The following ARHGEF3 variants were observed in gnomAD, a reference collection of about 807,000 sequenced individuals.
The protein encoded by ARHGEF3 is 59.8 kDA protein.
A neutral mutation model predicts 63.2 loss-of-function variants in ARHGEF3; 28 were observed. The observed-to-expected ratio is 0.44, with a 90% CI of 0.33 to 0.61. ARHGEF3 has a LOEUF of 0.61. Ranked by LOEUF, ARHGEF3 falls within the 20% of genes least tolerant of loss-of-function variation. The probability of loss-of-function intolerance (pLI) is 0.03; values close to 1 mark genes in which losing one functional copy is unlikely to be tolerated. For missense variants in ARHGEF3, 533 were observed against 659.3 expected, an observed-to-expected ratio of 0.81 and a Z score of 2.10; for synonymous variants, 266 against 254.2, an observed-to-expected ratio of 1.05 and a Z score of -0.44.
At chr3:56,917,265 T>C (rs2042012986) in intron 3 of ARHGEF3, among the ~76,000 whole-genome samples, 2 of 152,168 alleles carry the variant, frequency 1.3e-5, no homozygotes, top group Non-Finnish European at 2.9e-5. Context: ...GGTCTCAAAC[T>C]CAAGGAGACA....
chr3:56,922,809 C>T (rs1384430364), intron 3 of ARHGEF3, among the ~76,000 whole-genome samples: 1 of 151,912 alleles, frequency 6.6e-6, no homozygotes, highest in African/African-American at 2.4e-5. Flanking sequence ...TCTTTAGTTT[C>T]CTTATCTGTA....
chr3:56,901,542 T>TG (rs1321356917), intron 3 of ARHGEF3, among the ~76,000 whole-genome samples: 1 of 151,456 alleles, frequency 6.6e-6, no homozygotes, highest in Non-Finnish European at 1.5e-5. Context: ...CCATTGCTCC[T>TG]GGGGGGAATA....
intron 1 of ARHGEF3, among the ~76,000 whole-genome samples, chr3:57,061,360 C>T (rs1009925137): frequency 6.6e-6 from 1 of 152,104 alleles, no homozygotes; most frequent in Non-Finnish European, 1.5e-5. Flanking sequence ...TACAGTGGCA[C>T]GATCATAACT....
chr3:56,748,680 T>C (rs542697098), intron 6 of ARHGEF3, among the ~76,000 whole-genome samples: 10 of 152,096 alleles, frequency 6.6e-5, no homozygotes, highest in African/African-American at 2.4e-4. Flanking sequence ...TGAAAAAACG[T>C]TGGCATAGAG....
At position 56,933,282 on chromosome 3, in the gene ARHGEF3, T is replaced by A. The variant is rs371019853; in HGVS notation, c.129+25541A>T. The stretch of plus-strand genomic sequence containing the variant: ...TACATCTCTCCATATGCAGCAGGAA[T>A]GTCTTTTTTATTTAAGGGCACATTT... On this transcript the variant is annotated intron_variant, in intron 3 of 12. Coordinates refer to the ARHGEF3 transcript ENST00000338458. Among the ~76,000 whole-genome samples the A allele has an allele frequency of 6.6e-5, 10 of 152,324 alleles. 1 individual carries two copies. Among genetic ancestry groups the A allele is most frequent in the East Asian group, 5.8e-4 (3 of 5,192 alleles).
chr3:56,883,193 T>G (rs578158842), intron 3 of ARHGEF3, among the ~76,000 whole-genome samples: 3 of 152,360 alleles, frequency 2.0e-5, no homozygotes, highest in South Asian at 4.1e-4. Flanking sequence ...TATAGCCATA[T>G]GATTTTTAAA....
At chr3:57,024,497 T>C (rs1189503167) in intron 2 of ARHGEF3, among the ~76,000 whole-genome samples, 6 of 152,150 alleles carry the variant, frequency 3.9e-5, no homozygotes, top group Admixed American at 2.6e-4. Flanking sequence ...TTTGTTTTTT[T>C]CTTTTTTTGA....
intron 4 of ARHGEF3, among the ~76,000 whole-genome samples, chr3:56,870,905 G>A (rs1186044729): frequency 6.6e-6 from 1 of 151,964 alleles, no homozygotes; most frequent in Non-Finnish European, 1.5e-5. Context: ...TCTTCTCACA[G>A]CAATCAATAA....
At chr3:57,041,818 C>T (rs1240728965) in intron 1 of ARHGEF3, among the ~76,000 whole-genome samples, 3 of 152,232 alleles carry the variant, frequency 2.0e-5, no homozygotes, top group Non-Finnish European at 4.4e-5. Context: ...AGGGCCAGAG[C>T]CAACATCAGA....
At chr3:56,925,505 C>T (rs1056724582) in intron 3 of ARHGEF3, among the ~76,000 whole-genome samples, 3 of 152,222 alleles carry the variant, frequency 2.0e-5, no homozygotes, top group African/African-American at 7.2e-5. Flanking sequence ...TTCCTTCCCA[C>T]TACTTATCAC....
At chr3:56,873,120 T>C (rs1383811670) in intron 4 of ARHGEF3, among the ~76,000 whole-genome samples, 2 of 152,092 alleles carry the variant, frequency 1.3e-5, no homozygotes, top group African/African-American at 2.4e-5. Flanking sequence ...CACCTCAGCC[T>C]CCCAAGTAGC....
chr3:56,754,976 C>A lies in ARHGEF3; in HGVS notation c.375+5G>T, dbSNP rs2034979670. The stretch of plus-strand genomic sequence containing the variant: ...CACAGCCAGCTCCATGGGCCCCGAG[C>A]CTACCTCCTGACGTTTGATTTCCTT... On this transcript the variant is annotated splice_donor_5th_base_variant and intron_variant, in intron 3 of 9. Coordinates refer to ENST00000296315, the MANE Select transcript of ARHGEF3 (RefSeq NM_019555.3). The A allele has an allele frequency of 6.2e-7, 1 of 1,614,168 alleles. No homozygotes were observed. Among genetic ancestry groups the A allele is most frequent in the Non-Finnish European group, 8.5e-7 (1 of 1,180,026 alleles).
At chr3:56,748,459 T>A (rs1266925592) in intron 6 of ARHGEF3, among the ~76,000 whole-genome samples, 1 of 152,042 alleles carries the variant, frequency 6.6e-6, no homozygotes, top group Non-Finnish European at 1.5e-5. Flanking sequence ...CTATTCACCA[T>A]CTCTTTATTA....
intron 3 of ARHGEF3, among the ~76,000 whole-genome samples, chr3:56,754,356 A>G (rs1400538780): frequency 6.6e-6 from 1 of 152,234 alleles, no homozygotes. Flanking sequence ...GTTTCAGGAT[A>G]TAGGGAAACA....
At position 56,745,517 on chromosome 3, in the gene ARHGEF3, G is replaced by A. The variant is rs987708997; in HGVS notation, c.613-55C>T. 6 of 1,580,438 alleles carry A rather than the reference G, an allele frequency of 3.8e-6. No homozygotes were observed. In the African/African-American group the frequency reaches 6.8e-5, roughly 18 times the overall value. ...AATGTCAAAATAATTGAGCTCTGAG[G>A]CTACGGTGGCATCATTTATTGGGAC... On this transcript the variant is annotated intron_variant, in intron 6 of 9. Transcript: ENST00000296315.
intron 3 of ARHGEF3, among the ~76,000 whole-genome samples, chr3:56,901,037 G>A (rs879754707): frequency 3.9e-5 from 6 of 152,218 alleles, no homozygotes; most frequent in Admixed American, 3.9e-4. Flanking sequence ...AGTGGGTAAT[G>A]AGAATGGCAG....
At chr3:56,887,460 A>C (rs942178686) in intron 3 of ARHGEF3, among the ~76,000 whole-genome samples, 4 of 152,186 alleles carry the variant, frequency 2.6e-5, no homozygotes, top group African/African-American at 9.7e-5. Context: ...CTTCCAGGTT[A>C]GGGTGTTGTG....
rs146638915 is a variant in ARHGEF3, at chr3:57,058,113, C to T, written c.-28+21113G>A. Among the ~76,000 whole-genome samples the T allele has an allele frequency of 3.2e-3, 483 of 152,284 alleles. 4 individuals are homozygous for T. The highest frequency in any genetic ancestry group is 8.3e-3 in the African/African-American group (347 of 41,558). On this transcript the variant is annotated intron_variant, in intron 1 of 12. Transcript: ENST00000338458. Reference sequence around the variant, plus strand: ...TAAAGGAAGGGAGGGTTACCTATTTCCCACAATCTCTTTCAATTAAAAGTC... The same window carrying T: ...TAAAGGAAGGGAGGGTTACCTATTTTCCACAATCTCTTTCAATTAAAAGTC...
exon 2 of ARHGEF3, chr3:57,035,153 C>G: frequency 6.5e-7 from 1 of 1,529,062 alleles, no homozygotes; most frequent in Non-Finnish European, 8.8e-7. Context: ...TGTCCATAGA[C>G]TCAGTATGGC....
Sources: allele counts gnomAD v4.1 joint callset (sites outside exome capture counted in the v4.1 genomes callset), GRCh38; gene constraint gnomAD v4.1.1; transcripts MANE v1.5; gene names NCBI Gene and HGNC (gene_info 2026-07-23, HGNC 2026-07-21).